SOX6: variants seen among roughly 807,000 people sequenced by gnomAD.
SOX6 encodes the protein transcription factor SOX-6.
In SOX6, 11 loss-of-function variants were observed where a neutral mutation model predicts 97.8. That is an observed-to-expected ratio of 0.11 (90% CI 0.07 to 0.19). SOX6 has a LOEUF of 0.19. Ranked by LOEUF, SOX6 falls within the 10% of genes least tolerant of loss-of-function variation. The probability of loss-of-function intolerance (pLI) is 1.00; values close to 1 mark genes in which losing one functional copy is unlikely to be tolerated. For synonymous variants in SOX6, 360 were observed against 371.4 expected, an observed-to-expected ratio of 0.97 and a Z score of 0.35; for missense variants, 810 against 1,039.5, an observed-to-expected ratio of 0.78 and a Z score of 3.04.
chr11:16,710,201 A>G (rs1209193172), intron 3 of SOX6, among the ~76,000 whole-genome samples: 1 of 152,234 alleles, frequency 6.6e-6, no homozygotes, highest in African/African-American at 2.4e-5. Context: ...AGGGAGAGAT[A>G]GGTGTACCCT....
chr11:16,073,703 C>G (rs1564939280), intron 9 of SOX6, among the ~76,000 whole-genome samples: 1 of 152,050 alleles, frequency 6.6e-6, no homozygotes, highest in Non-Finnish European at 1.5e-5. Flanking sequence ...AAATAATCCT[C>G]AACAAGTTAA....
At position 16,222,133 on chromosome 11, in the gene SOX6, G is replaced by A. The variant is rs547392963; in HGVS notation, c.535+12449C>T. On this transcript the variant is annotated intron_variant, in intron 4 of 15. Transcript: ENST00000683767. ...CGACTAAATGCAGAAACAGATACGA[G>A]TCCAACATCTATTAACCCATACATT... 3.9e-5 allele frequency among the ~76,000 whole-genome samples: 6 copies of A among 152,188 alleles called. No homozygotes were observed. The South Asian group carries it at 1.2e-3, about 32-fold the overall frequency.
At chr11:16,544,899 G>A (rs567680672) in intron 4 of SOX6, among the ~76,000 whole-genome samples, 1 of 151,970 alleles carries the variant, frequency 6.6e-6, no homozygotes, top group African/African-American at 2.4e-5. Flanking sequence ...AACAAAATGA[G>A]GAATGAAAGA....
intron 1 of SOX6, among the ~76,000 whole-genome samples, chr11:16,385,208 C>T (rs1235958044): frequency 6.6e-6 from 1 of 152,048 alleles, no homozygotes; most frequent in African/African-American, 2.4e-5. Flanking sequence ...AGATTATGTG[C>T]TTCCCTGATC....
intron 9 of SOX6, among the ~76,000 whole-genome samples, chr11:16,074,887 AC>A (rs1210512205): frequency 1.3e-5 from 2 of 152,184 alleles, no homozygotes; most frequent in South Asian, 2.1e-4. Context: ...TTCATATAGA[AC>A]CAAAAAAGAG....
intron 1 of SOX6, among the ~76,000 whole-genome samples, chr11:16,408,011 AAATAAG>A (rs1858721985): frequency 2.0e-5 from 3 of 152,176 alleles, no homozygotes; most frequent in East Asian, 1.9e-4. Context: ...TGCCTTTTAT[AAATAAG>A]AATAACAGGA....
At position 16,492,766 on chromosome 11, in the gene SOX6, G is replaced by A. The variant is rs147964545; in HGVS notation, n.610-16378C>T. ...GTCTGTACCCAGAATGTATTAAAAC[G>A]CCTACAAATCAATAAAAGAAGACAA... On this transcript the variant is annotated intron_variant and non_coding_transcript_variant, in intron 4 of 5. Coordinates refer to the SOX6 transcript ENST00000524520. Among the ~76,000 whole-genome samples, 11 of 152,126 alleles carry A rather than the reference G, an allele frequency of 7.2e-5. No individual in the cohort carries two copies. The South Asian group carries it at 8.3e-4, about 11-fold the overall frequency.
At chr11:16,455,093 A>G (rs918826473) in intron 1 of SOX6, among the ~76,000 whole-genome samples, 1 of 152,036 alleles carries the variant, frequency 6.6e-6, no homozygotes, top group Non-Finnish European at 1.5e-5. Context: ...CCACTTGAAG[A>G]TTTATGTTAA....
At chr11:16,187,360 A>G (rs906546329) in intron 4 of SOX6, among the ~76,000 whole-genome samples, 2 of 152,178 alleles carry the variant, frequency 1.3e-5, no homozygotes, top group Non-Finnish European at 2.9e-5. Context: ...AACAGTATCT[A>G]AGACATAGTA....
At chr11:16,730,323 T>G (rs1230193940) in intron 2 of SOX6, among the ~76,000 whole-genome samples, 1 of 151,906 alleles carries the variant, frequency 6.6e-6, no homozygotes, top group Admixed American at 6.6e-5. Context: ...GCACTTATCC[T>G]AAAATTGGCC....
In SOX6 at chr11:16,306,100, C is replaced by G. The variant is rs941872676; in HGVS notation, c.445+12346G>C. On this transcript the variant is annotated intron_variant, in intron 3 of 15. Coordinates refer to ENST00000683767, the MANE Select transcript of SOX6 (RefSeq NM_001367873.1). ...ACTTAATACACACCCCCACACACAA[C>G]TGAGTACAATAATGTAGTACAAATG... is the stretch of plus-strand genomic sequence containing the variant. Among the ~76,000 whole-genome samples, 3 of 152,242 alleles carry G rather than the reference C, an allele frequency of 2.0e-5. No homozygotes were observed. In the South Asian group the frequency reaches 6.2e-4, roughly 32 times the overall value.
chr11:16,712,765 GT>G lies in SOX6; in HGVS notation n.429+2064del, dbSNP rs575681624. On this transcript the variant is annotated intron_variant and non_coding_transcript_variant, in intron 3 of 5. Transcript: ENST00000524520. ...TCCTTATGGCACTTACTATATAATT[GT>G]TTTATGTAGTTGTCTTTTTATTGTC... Among the ~76,000 whole-genome samples the G allele has an allele frequency of 1.9e-3, 283 of 152,152 alleles. 1 individual carries two copies. The highest frequency in any genetic ancestry group is 4.1e-3 in the Admixed American group (63 of 15,294).
intron 3 of SOX6, among the ~76,000 whole-genome samples, chr11:16,708,877 T>C (rs1848156247): frequency 1.3e-5 from 2 of 152,206 alleles, no homozygotes; most frequent in Non-Finnish European, 2.9e-5. Flanking sequence ...ATAAATATAC[T>C]ATAAGATGTG....
intron 4 of SOX6, among the ~76,000 whole-genome samples, chr11:16,206,056 A>C (rs1003801911): frequency 3.3e-5 from 5 of 152,094 alleles, no homozygotes; most frequent in African/African-American, 1.2e-4. Context: ...GAAAAAAAAA[A>C]CACTTATGTT....
intron 6 of SOX6, among the ~76,000 whole-genome samples, chr11:16,127,641 T>C (rs1334896748): frequency 2.6e-5 from 4 of 152,170 alleles, no homozygotes; most frequent in Non-Finnish European, 5.9e-5. Context: ...AAATCTTATT[T>C]TATTTTTCCT....
chr11:16,199,084 T>A (rs1268362373), intron 4 of SOX6, among the ~76,000 whole-genome samples: 1 of 152,164 alleles, frequency 6.6e-6, no homozygotes, highest in Non-Finnish European at 1.5e-5. Context: ...AATAATTAGT[T>A]CTCAGAATAG....
chr11:16,615,306 T>C (rs1848457954), intron 3 of SOX6, among the ~76,000 whole-genome samples: 1 of 152,234 alleles, frequency 6.6e-6, no homozygotes, highest in South Asian at 2.1e-4. Context: ...ACTTGTACAA[T>C]GTCCTGAGAG....
intron 4 of SOX6, among the ~76,000 whole-genome samples, chr11:16,494,217 A>C (rs187631500): frequency 6.6e-6 from 1 of 152,044 alleles, no homozygotes; most frequent in East Asian, 1.9e-4. Flanking sequence ...TCTCCACTAA[A>C]AATACAAAAT....
intron 6 of SOX6, among the ~76,000 whole-genome samples, chr11:16,147,251 G>C (rs1206943977): frequency 1.3e-5 from 2 of 152,044 alleles, no homozygotes; most frequent in Admixed American, 6.6e-5. Flanking sequence ...CTATCGCAAG[G>C]ACAACAAACC....
Sources: allele counts gnomAD v4.1 joint callset (sites outside exome capture counted in the v4.1 genomes callset), GRCh38; gene constraint gnomAD v4.1.1; transcripts MANE v1.5; gene names NCBI Gene and HGNC (gene_info 2026-07-23, HGNC 2026-07-21).